The following TSPAN12 variants were observed in gnomAD, a reference collection of about 807,000 sequenced individuals.
TSPAN12 encodes the protein tetraspanin-12.
In TSPAN12, 19 loss-of-function variants were observed where a neutral mutation model predicts 39.2. The observed-to-expected ratio is 0.49, with a 90% CI of 0.34 to 0.71. The LOEUF is 0.71. Ranked by LOEUF, TSPAN12 falls within the 30% of genes least tolerant of loss-of-function variation. The pLI, the probability that TSPAN12 is intolerant of heterozygous loss-of-function variation, is 0.01. For missense variants in TSPAN12, 314 were observed against 359.9 expected, an observed-to-expected ratio of 0.87 and a Z score of 1.03; for synonymous variants, 119 against 124.8, an observed-to-expected ratio of 0.95 and a Z score of 0.31.
intron 7 of TSPAN12, among the ~76,000 whole-genome samples, chr7:120,792,561 T>C (rs960103039): frequency 6.6e-6 from 1 of 152,132 alleles, no homozygotes; most frequent in Admixed American, 6.5e-5. Flanking sequence ...CTGAGATCTC[T>C]CCTCTGGCTG....
intron 7 of TSPAN12, among the ~76,000 whole-genome samples, chr7:120,796,515 C>T (rs945558737): frequency 2.6e-5 from 4 of 152,080 alleles, no homozygotes; most frequent in South Asian, 4.1e-4. Context: ...TTTCTCATGT[C>T]GTATCTCAAT....
At chr7:120,853,996 T>C (rs1584957184) in intron 2 of TSPAN12, among the ~76,000 whole-genome samples, 1 of 151,952 alleles carries the variant, frequency 6.6e-6, no homozygotes, top group South Asian at 2.1e-4. Context: ...AGGGCAAACC[T>C]AAATGATAAA....
Position 120,788,840 on chromosome 7 carries a change from T to G in TSPAN12, c.670A>C (p.Arg224=). 6.2e-7 allele frequency: 1 copy of G among 1,614,144 alleles called. No individual in the cohort carries two copies. The highest frequency in any genetic ancestry group is 1.1e-5 in the South Asian group (1 of 91,082). Residue 224 remains arginine (R), a synonymous_variant, in exon 8 of 8, where the codon AGG becomes CGG. Transcript: ENST00000222747. The stretch of plus-strand genomic sequence containing the variant: ...ACCCCAATGGAGATTCCCAGAAACC[T>G]CAGCACCTGCAGTTGTTTGGTTCCT... ...LRGTKQLQVL[R]FLGISIGVTQ...
At chr7:120,807,951 A>G (rs975142763) in intron 6 of TSPAN12, among the ~76,000 whole-genome samples, 3 of 152,170 alleles carry the variant, frequency 2.0e-5, no homozygotes, top group African/African-American at 7.2e-5. Flanking sequence ...CAATAATTTG[A>G]TGTCACATAT....
chr7:120,817,150 G>A (rs1794099988), intron 4 of TSPAN12, among the ~76,000 whole-genome samples: 1 of 151,786 alleles, frequency 6.6e-6, no homozygotes, highest in Non-Finnish European at 1.5e-5. Flanking sequence ...GAGGTGGGAG[G>A]GTCACTTGAG....
rs1014585663 is a variant in TSPAN12 at position 120,856,808 on chromosome 7, A to C, written c.-45T>G. On this transcript the variant is annotated 5_prime_UTR_variant, in exon 2 of 8. Coordinates refer to ENST00000222747, the MANE Select transcript of TSPAN12 (RefSeq NM_012338.4). ...AAGCCCCATCCTTTCACCACATCCT[A>C]CTCCCAAGGGCAAAACGGCAGCGAT... is the stretch of plus-strand genomic sequence containing the variant. The C allele has an allele frequency of 1.2e-6, 2 of 1,607,288 alleles. No homozygotes were observed. Among genetic ancestry groups the C allele is most frequent in the African/African-American group, 2.7e-5 (2 of 74,672 alleles).
At chr7:120,810,624 T>TCTCA (rs1793961730) in intron 5 of TSPAN12, 54 bp from the exon 6 acceptor site, 2 of 715,722 alleles carry the variant, frequency 2.8e-6, no homozygotes, top group South Asian at 1.5e-5. Context: ...AGACACAGAT[T>TCTCA]CACACACACA....
rs926280643 is a variant in TSPAN12, at chr7:120,787,866, T to C, written c.*726A>G. The C allele has an allele frequency of 2.0e-5, 3 of 152,706 alleles. No individual in the cohort carries two copies. The highest frequency in any genetic ancestry group is 4.4e-5 in the Non-Finnish European group (3 of 68,124). 9.5% of individuals were successfully genotyped at this position (152,706 alleles called of 1,614,324 possible). Reference sequence around the variant, plus strand: ...GTAATATAAGCCCAGGACAGAATAGTAAAGCTTTATTAACAGGAAAGGCTA... The same window carrying C: ...GTAATATAAGCCCAGGACAGAATAGCAAAGCTTTATTAACAGGAAAGGCTA... On this transcript the variant is annotated 3_prime_UTR_variant, in exon 8 of 8. Transcript: ENST00000222747.
chr7:120,818,043 A>G (rs1794118072), intron 4 of TSPAN12, among the ~76,000 whole-genome samples: 1 of 152,142 alleles, frequency 6.6e-6, no homozygotes, highest in Non-Finnish European at 1.5e-5. Flanking sequence ...GATCTTTAAA[A>G]TGAGTCAGCA....
intron 4 of TSPAN12, among the ~76,000 whole-genome samples, chr7:120,820,595 G>A (rs1469238653): frequency 6.6e-6 from 1 of 151,932 alleles, no homozygotes; most frequent in Non-Finnish European, 1.5e-5. Flanking sequence ...TGTATTTCAG[G>A]TCTCAGAGAC....
chr7:120,807,655 C>T (rs1422660410), intron 6 of TSPAN12, among the ~76,000 whole-genome samples: 1 of 152,056 alleles, frequency 6.6e-6, no homozygotes, highest in African/African-American at 2.4e-5. Flanking sequence ...CACAATCCCC[C>T]ACCATTTCAA....
At chr7:120,811,548 T>C (rs1213482972) in intron 5 of TSPAN12, among the ~76,000 whole-genome samples, 1 of 150,892 alleles carries the variant, frequency 6.6e-6, no homozygotes, top group African/African-American at 2.4e-5. Context: ...CGGGTGCCTG[T>C]AGTCCCAGCT....
At position 120,810,500 on chromosome 7, in the gene TSPAN12, C is replaced by T. The variant is rs374977768; in HGVS notation, c.431G>A (p.Arg144Gln). ...RMTNYGLPRY[R>Q]WLTHAWNFFQ... ...AAAATTCCAAGCATGAGTAAGCCAC[C>T]GATATCTAGGTAATCCATAATTTGT... is the stretch of plus-strand genomic sequence containing the variant. Residue 144 changes from arginine (R) to glutamine (Q), a missense_variant, in exon 6 of 8, where the codon CGG (arginine) becomes CAG (glutamine). Coordinates refer to ENST00000222747, the MANE Select transcript of TSPAN12 (RefSeq NM_012338.4). 44 of 1,613,542 alleles carry T rather than the reference C, an allele frequency of 2.7e-5. No homozygotes were observed. The highest frequency in any genetic ancestry group is 1.6e-4 in the Middle Eastern group (1 of 6,080).
At chr7:120,814,929 C>G (rs922165243) in intron 5 of TSPAN12, among the ~76,000 whole-genome samples, 1 of 152,184 alleles carries the variant, frequency 6.6e-6, no homozygotes, top group Non-Finnish European at 1.5e-5. Flanking sequence ...CTGTCGCAAA[C>G]AGGAGATGTA....
At chr7:120,844,059 G>A (rs947226508) in intron 2 of TSPAN12, among the ~76,000 whole-genome samples, 3 of 152,178 alleles carry the variant, frequency 2.0e-5, no homozygotes, top group Non-Finnish European at 4.4e-5. Context: ...GGGAGGGGAA[G>A]CAGGCACATC....
chr7:120,812,293 T>A (rs1793997447), intron 5 of TSPAN12, among the ~76,000 whole-genome samples: 1 of 152,032 alleles, frequency 6.6e-6, no homozygotes, highest in Non-Finnish European at 1.5e-5. Context: ...GAAATTGAGG[T>A]ATACAAATGC....
intron 7 of TSPAN12, among the ~76,000 whole-genome samples, chr7:120,794,012 G>A (rs1178391114): frequency 6.6e-6 from 1 of 152,154 alleles, no homozygotes; most frequent in Non-Finnish European, 1.5e-5. Context: ...CTGTCAGAAA[G>A]CTGAGAGGCA....
intron 4 of TSPAN12, among the ~76,000 whole-genome samples, chr7:120,836,724 C>T (rs981375037): frequency 1.3e-5 from 2 of 152,200 alleles, no homozygotes; most frequent in Non-Finnish European, 2.9e-5. Flanking sequence ...GAACCTCAGT[C>T]ATCCCTGCCA....
At chr7:120,817,851 T>C (rs1397704311) in intron 4 of TSPAN12, among the ~76,000 whole-genome samples, 1 of 152,158 alleles carries the variant, frequency 6.6e-6, no homozygotes, top group Non-Finnish European at 1.5e-5. Flanking sequence ...ATATCCTCCT[T>C]CACTGGACTG....
Sources: gnomAD v4.1 joint callset for allele counts (sites outside exome capture counted in the v4.1 genomes callset) on GRCh38, gnomAD v4.1.1 for gene constraint, MANE v1.5 for transcripts, NCBI Gene and HGNC (gene_info 2026-07-23, HGNC 2026-07-21) for gene names.